The following HDAC4 variants were observed in gnomAD, a reference collection of about 807,000 sequenced individuals.
The protein encoded by HDAC4 is histone deacetylase A.
HDAC4 carries 16 observed loss-of-function variants against 135.1 expected under a neutral mutation model. The ratio of observed to expected loss-of-function variants is 0.12; its 90% CI spans 0.08 to 0.18. The LOEUF (loss-of-function observed/expected upper bound fraction) is 0.18. HDAC4 is among the 10% of genes least tolerant of loss of function. The pLI is 1.00. For synonymous variants in HDAC4, 685 were observed against 653.4 expected (o/e 1.05, Z -0.74); for missense variants, 1,143 against 1,511.8 (o/e 0.76, Z 4.05).
intron 4 of HDAC4, chr2:239,186,604 C>T (rs1264751693): frequency 1.3e-5 from 2 of 152,274 alleles, no homozygotes; most frequent in Non-Finnish European, 2.9e-5. Flanking sequence ...GGCCATCTCT[C>T]AGAGGGTGAT....
intron 11 of HDAC4, among the ~76,000 whole-genome samples, chr2:239,132,073 G>C (rs990425763): frequency 1.3e-5 from 2 of 152,128 alleles, no homozygotes; most frequent in Admixed American, 1.3e-4. Flanking sequence ...CACTGAGGAC[G>C]GACAGGGGCT....
intron 2 of HDAC4, among the ~76,000 whole-genome samples, chr2:239,247,818 A>T (rs1448799726): frequency 1.3e-5 from 2 of 152,188 alleles, no homozygotes; most frequent in Non-Finnish European, 2.9e-5. Context: ...CAAAGCAGAG[A>T]TCCCTCCCTG....
chr2:239,213,595 C>T (rs550540051), intron 3 of HDAC4, among the ~76,000 whole-genome samples: 3 of 152,226 alleles, frequency 2.0e-5, no homozygotes, highest in Non-Finnish European at 2.9e-5. Context: ...TTTTCCAGCT[C>T]GGAGAGTGGC....
chr2:239,339,202 T>C (rs1230099683), intron 2 of HDAC4, among the ~76,000 whole-genome samples: 1 of 152,190 alleles, frequency 6.6e-6, no homozygotes, highest in Non-Finnish European at 1.5e-5. Flanking sequence ...CCTTCTGTCA[T>C]AAGAGGGTCT....
chr2:239,385,378 C>T (rs1025347526), intron 1 of HDAC4, among the ~76,000 whole-genome samples: 11 of 152,346 alleles, frequency 7.2e-5, no homozygotes, highest in East Asian at 1.9e-4. Flanking sequence ...GGGTCACCTC[C>T]GAGGACTGAA....
At chr2:239,075,223 CAAAAAAAAAAAAAA>C (rs67188784) in intron 22 of HDAC4, among the ~76,000 whole-genome samples, 1 of 31,748 alleles carries the variant, frequency 3.1e-5, no homozygotes, top group African/African-American at 1.0e-4. Context: ...GACTCCGTCT[CAAAAAAAAAAAAAA>C]AAAAAAAAAA....
chr2:239,138,133 C>T (rs1322596423), intron 9 of HDAC4, among the ~76,000 whole-genome samples: 4 of 152,186 alleles, frequency 2.6e-5, no homozygotes, highest in Non-Finnish European at 5.9e-5. Context: ...TACTGGTAGA[C>T]CTCAGCTATG....
At chr2:239,335,551 C>T (rs918699608) in intron 2 of HDAC4, among the ~76,000 whole-genome samples, 2 of 114,468 alleles carry the variant, frequency 1.7e-5, no homozygotes, top group East Asian at 5.2e-4. Context: ...AAAGGGAAAA[C>T]GCAGCACACA....
intron 7 of HDAC4, among the ~76,000 whole-genome samples, chr2:239,153,494 ATG>A (rs985282630): frequency 4.5e-4 from 61 of 136,120 alleles, no homozygotes; most frequent in African/African-American, 2.3e-3. Context: ...GAGCGATGTC[ATG>A]TGTTTGAAAG....
At chr2:239,373,966 ATGAACAAT>A (rs1694813767) in intron 1 of HDAC4, among the ~76,000 whole-genome samples, 1 of 152,208 alleles carries the variant, frequency 6.6e-6, no homozygotes, top group African/African-American at 2.4e-5. Flanking sequence ...ATACTTAGAT[ATGAACAAT>A]TGACCAGCCA....
At chr2:239,131,032 C>T (rs555859720) in intron 11 of HDAC4, among the ~76,000 whole-genome samples, 3 of 152,224 alleles carry the variant, frequency 2.0e-5, no homozygotes, top group Non-Finnish European at 4.4e-5. Flanking sequence ...GACTAATCTC[C>T]GAGGATGTAC....
intron 3 of HDAC4, among the ~76,000 whole-genome samples, chr2:239,214,830 T>A (rs2046538822): frequency 6.6e-6 from 1 of 152,250 alleles, no homozygotes; most frequent in South Asian, 2.1e-4. Flanking sequence ...CAGTGCTGGC[T>A]GACAGGCCAT....
At chr2:239,321,819 A>C (rs1293356712) in intron 2 of HDAC4, among the ~76,000 whole-genome samples, 1 of 152,190 alleles carries the variant, frequency 6.6e-6, no homozygotes, top group East Asian at 1.9e-4. Flanking sequence ...CACTGGCTTC[A>C]TCATTCTCAG....
chr2:239,170,791 C>T (rs958298111), intron 5 of HDAC4, among the ~76,000 whole-genome samples: 5 of 152,152 alleles, frequency 3.3e-5, no homozygotes, highest in African/African-American at 1.2e-4. Context: ...ACCCCACCCT[C>T]GGGTAGCCTG....
At chr2:239,340,548 C>G (rs987531314) in intron 2 of HDAC4, among the ~76,000 whole-genome samples, 1 of 152,184 alleles carries the variant, frequency 6.6e-6, no homozygotes, top group Non-Finnish European at 1.5e-5. Context: ...TTAGAGATGC[C>G]TCTGTACCCT....
intron 3 of HDAC4, among the ~76,000 whole-genome samples, chr2:239,226,667 G>GGC (rs1553564431): frequency 8.7e-4 from 132 of 152,158 alleles, no homozygotes; most frequent in African/African-American, 3.1e-3. Context: ...ACATGTAATG[G>GGC]GGGGGGTGAT....
intron 24 of HDAC4, among the ~76,000 whole-genome samples, chr2:239,055,546 G>A (rs2031688160): frequency 6.6e-6 from 1 of 152,084 alleles, no homozygotes; most frequent in African/African-American, 2.4e-5. Flanking sequence ...GTGAAACTCT[G>A]TCTCTACTAA....
rs1005345873 is a variant in HDAC4 at position 239,306,941 on chromosome 2, G to T, written c.22+45737C>A. Among the ~76,000 whole-genome samples the T allele has an allele frequency of 6.6e-6, 1 of 151,842 alleles. No individual in the cohort carries two copies. Among genetic ancestry groups the T allele is most frequent in the South Asian group, 2.1e-4 (1 of 4,810 alleles). On this transcript the variant is annotated intron_variant, in intron 2 of 26. Transcript: ENST00000543185. This position sits in a 1 kb window ranked among gnomAD's most constrained non-coding sequence, Gnocchi z 4.5. ...CTCCCGTGTGCACCTCCCCAAGGGC[G>T]CCTGCACCCTGGGCCCAGGGTAACC...
rs2039063351 is a variant in HDAC4, at chr2:239,115,670, G to A, written c.1534-360C>T. ...TGCAGAGGAGAGCTTGAGTGTGAAG[G>A]GGAGAGGCCAATGCTGACCTCACAG... On this transcript the variant is annotated intron_variant, in intron 12 of 26. Transcript: ENST00000543185. The surrounding 1 kb of genome is among the most constrained non-coding windows in gnomAD (Gnocchi z 6.3). 6.6e-6 allele frequency among the ~76,000 whole-genome samples: 1 copy of A among 151,944 alleles called. No individual in the cohort carries two copies. The highest frequency in any genetic ancestry group is 2.4e-5 in the African/African-American group (1 of 41,368).
Sources: allele counts gnomAD v4.1 joint callset (sites outside exome capture counted in the v4.1 genomes callset), GRCh38; gene constraint gnomAD v4.1.1; non-coding constraint Gnocchi (gnomAD v3.1); transcripts MANE v1.5; gene names NCBI Gene and HGNC (gene_info 2026-07-23, HGNC 2026-07-21).